Variants in SEMA3D observed in about 807,000 individuals in gnomAD.
SEMA3D encodes the protein semaphorin-3D.
Under a neutral mutation model 100.1 loss-of-function variants are expected in SEMA3D, and 84 were observed. That is an observed-to-expected ratio of 0.84 (90% CI 0.70 to 1.01). The LOEUF (loss-of-function observed/expected upper bound fraction) is 1.01, where lower values mean the gene tolerates loss of function less well. SEMA3D is among the 50% of genes least tolerant of loss of function. SEMA3D has a pLI of 0.00. For synonymous variants in SEMA3D, 312 were observed against 320.7 expected (o/e 0.97, Z 0.29); for missense variants, 875 against 934.1 (o/e 0.94, Z 0.82).
At chr7:85,093,153 G>A (rs1380985995) in intron 4 of SEMA3D, among the ~76,000 whole-genome samples, 1 of 151,972 alleles carries the variant, frequency 6.6e-6, no homozygotes, top group African/African-American at 2.4e-5. Context: ...AGTCTTCTAA[G>A]TCAATTAATT....
intron 2 of SEMA3D, chr7:85,142,683 T>C: frequency 1.0e-6 from 1 of 983,152 alleles, no homozygotes; most frequent in Non-Finnish European, 1.2e-6. Context: ...CATTTTTTTT[T>C]TTTTTTTTTT....
Position 85,005,063 on chromosome 7 carries a change from G to A in SEMA3D, c.1908+1739C>T, listed in dbSNP as rs547641843. On this transcript the variant is annotated intron_variant, in intron 18 of 18. Coordinates refer to ENST00000284136, the MANE Select transcript of SEMA3D (RefSeq NM_001384900.1). Reference sequence around the variant, plus strand: ...GAGCTGAGAGCTGAACTCAAGCAGAGGACCACATATTTTTAAAAATCAGAT... The same window carrying A: ...GAGCTGAGAGCTGAACTCAAGCAGAAGACCACATATTTTTAAAAATCAGAT... Among the ~76,000 whole-genome samples, 5 of 151,594 alleles carry A rather than the reference G, an allele frequency of 3.3e-5. No individual in the cohort carries two copies. In the East Asian group the frequency reaches 9.8e-4, roughly 30 times the overall value.
At chr7:85,082,075 C>T (rs1210461179) in intron 4 of SEMA3D, among the ~76,000 whole-genome samples, 8 of 152,300 alleles carry the variant, frequency 5.3e-5, no homozygotes, top group Admixed American at 3.3e-4. Flanking sequence ...ATGCATCTGC[C>T]ACTTAGCTAA....
chr7:85,171,544 C>A (rs1393847283), intron 1 of SEMA3D, among the ~76,000 whole-genome samples: 1 of 151,938 alleles, frequency 6.6e-6, no homozygotes, highest in African/African-American at 2.4e-5. Context: ...CCATTATTAC[C>A]TTGATCAAGA....
At chr7:85,064,430 T>C (rs1032475755) in intron 8 of SEMA3D, among the ~76,000 whole-genome samples, 8 of 152,160 alleles carry the variant, frequency 5.3e-5, no homozygotes, top group Non-Finnish European at 1.0e-4. Flanking sequence ...TTAAGGGTAC[T>C]TTTTTTGGCT....
At chr7:85,220,156 T>G in the SEMA3D span, among the ~76,000 whole-genome samples, 28 of 152,190 alleles carry the variant, frequency 1.8e-4, no homozygotes, top group Non-Finnish European at 2.9e-4. Context: ...CAAATACAAC[T>G]GGTATTCTGT....
intron 1 of SEMA3D, among the ~76,000 whole-genome samples, chr7:85,158,931 C>G (rs558479405): frequency 6.6e-6 from 1 of 152,218 alleles, no homozygotes; most frequent in Non-Finnish European, 1.5e-5. Context: ...CTCAGAATTT[C>G]TGGCCCTTTC....
At chr7:85,020,013 C>A (rs936913998) in intron 14 of SEMA3D, among the ~76,000 whole-genome samples, 2 of 151,706 alleles carry the variant, frequency 1.3e-5, no homozygotes. Flanking sequence ...GAGAGGCAAT[C>A]CCGGGAGCCC....
rs191959760 is a variant in SEMA3D at position 84,995,644 on chromosome 7, A to G, written c.*3796T>C. 7 of 152,160 alleles carry G rather than the reference A, an allele frequency of 4.6e-5. No homozygotes were observed. In the East Asian group the frequency reaches 1.3e-3, roughly 29 times the overall value. 9.4% of individuals were successfully genotyped at this position (152,160 alleles called of 1,614,324 possible). A position where few individuals can be genotyped will look rare whatever the true frequency, so the allele number is the denominator to read the frequency against. ...ATTTTTAATTATTTCATACTACAAG[A>G]CTACATTTCTTTTAAAATAGCAGAA... On this transcript the variant is annotated 3_prime_UTR_variant, in exon 19 of 19. Coordinates refer to ENST00000284136, the MANE Select transcript of SEMA3D (RefSeq NM_001384900.1).
intron 5 of SEMA3D, among the ~76,000 whole-genome samples, chr7:85,076,126 G>A (rs17159605): frequency 4.6e-5 from 7 of 152,140 alleles, no homozygotes; most frequent in Admixed American, 3.9e-4. Flanking sequence ...ATCATTGCAT[G>A]TGACCAAACA....
At chr7:85,037,711 C>T (rs1790740476) in intron 11 of SEMA3D, among the ~76,000 whole-genome samples, 1 of 151,810 alleles carries the variant, frequency 6.6e-6, no homozygotes, top group South Asian at 2.1e-4. Flanking sequence ...TATAATTACA[C>T]AGGATTAGAG....
In SEMA3D at chr7:85,066,892, T is replaced by A. The variant is rs1012180030; in HGVS notation, c.589+1299A>T. 2.5e-3 allele frequency among the ~76,000 whole-genome samples: 267 copies of A among 106,896 alleles called. 2 individuals carry two copies. The highest frequency in any genetic ancestry group is 9.9e-3 in the African/African-American group (252 of 25,490). 70.1% of individuals were successfully genotyped at this position (106,896 alleles called of 152,430 possible). ...GCTAACTTCTAAAGGAAATGTGCGC[T>A]CACACACACACACACACACACAGAG... On this transcript the variant is annotated intron_variant, in intron 7 of 18. Coordinates refer to ENST00000284136, the MANE Select transcript of SEMA3D (RefSeq NM_001384900.1).
intron 11 of SEMA3D, among the ~76,000 whole-genome samples, chr7:85,039,329 C>A (rs533660606): frequency 6.6e-6 from 1 of 152,288 alleles, no homozygotes; most frequent in East Asian, 1.9e-4. Context: ...TGCAATGGCA[C>A]AACCTGCAAC....
intron 5 of SEMA3D, among the ~76,000 whole-genome samples, chr7:85,073,519 G>A (rs1791835433): frequency 6.6e-6 from 1 of 151,754 alleles, no homozygotes; most frequent in African/African-American, 2.4e-5. Context: ...TGAGTAGCTA[G>A]GACTACAAGC....
intron 8 of SEMA3D, among the ~76,000 whole-genome samples, chr7:85,059,603 G>A (rs893054526): frequency 6.6e-6 from 1 of 152,088 alleles, no homozygotes; most frequent in Non-Finnish European, 1.5e-5. Flanking sequence ...AAAGTGTAGA[G>A]AATCTTCTCT....
chr7:85,000,194 A>G (rs1279784554), intron 18 of SEMA3D, among the ~76,000 whole-genome samples: 1 of 152,184 alleles, frequency 6.6e-6, no homozygotes, highest in Non-Finnish European at 1.5e-5. Context: ...GAAACCATCA[A>G]GTGGCCTTCT....
chr7:85,150,338 T>C (rs1217166729), intron 2 of SEMA3D, among the ~76,000 whole-genome samples: 1 of 118,184 alleles, frequency 8.5e-6, no homozygotes, highest in African/African-American at 3.5e-5. Flanking sequence ...TCTAAATACT[T>C]TTCTAGAAAT....
intron 12 of SEMA3D, among the ~76,000 whole-genome samples, chr7:85,033,726 A>G (rs898981633): frequency 6.6e-6 from 1 of 152,016 alleles, no homozygotes; most frequent in Non-Finnish European, 1.5e-5. Context: ...AACAAACAAA[A>G]AACCCCAAAC....
At chr7:85,135,385 C>A (rs1330162360) in intron 2 of SEMA3D, among the ~76,000 whole-genome samples, 1 of 151,892 alleles carries the variant, frequency 6.6e-6, no homozygotes, top group Non-Finnish European at 1.5e-5. Context: ...TGAGCAAATG[C>A]TCATTTAACT....
Sources: gnomAD v4.1 joint callset for allele counts (sites outside exome capture counted in the v4.1 genomes callset) on GRCh38, gnomAD v4.1.1 for gene constraint, MANE v1.5 for transcripts, NCBI Gene and HGNC (gene_info 2026-07-23, HGNC 2026-07-21) for gene names.